The following SAFB variants were observed in gnomAD, a reference collection of about 807,000 sequenced individuals.
SAFB encodes scaffold attachment factor B1.
Under a neutral mutation model 101.6 loss-of-function variants are expected in SAFB, and 15 were observed. The observed-to-expected ratio is 0.15, with a 90% CI of 0.10 to 0.23. The LOEUF (loss-of-function observed/expected upper bound fraction) is 0.23, where lower values mean the gene tolerates loss of function less well. Among genes scored for constraint, SAFB ranks in the 10% least tolerant of loss-of-function variants. SAFB has a pLI of 1.00. For synonymous variants in SAFB, 449 were observed against 407.5 expected (o/e 1.10, Z -1.23); for missense variants, 930 against 1,104.1 (o/e 0.84, Z 2.23).
chr19:5,661,132 A>G (rs1476996951), intron 14 of SAFB, among the ~76,000 whole-genome samples: 2 of 151,896 alleles, frequency 1.3e-5, no homozygotes, highest in Non-Finnish European at 2.9e-5. Flanking sequence ...CATGTTGGCC[A>G]GGCTGGTCTC....
At chr19:5,626,260 A>G (rs1296322237) in intron 1 of SAFB, 145 bp from the exon 2 acceptor site, 5 of 564,896 alleles carry the variant, frequency 8.9e-6, no homozygotes, top group Non-Finnish European at 1.6e-5. Flanking sequence ...ATAACAGATG[A>G]GTGGATGGGC....
rs980831828 is a variant in SAFB, at chr19:5,650,088, C to T, written c.1198+113C>T. 3.8e-5 allele frequency: 31 copies of T among 812,280 alleles called. No homozygotes were observed. The African/African-American group carries it at 3.9e-4, about 10-fold the overall frequency. The allele number at this position is 812,280 out of a possible 1,614,324, so 50.3% of individuals were successfully genotyped here. ...CTCCTTACCCAGGAGACTCCTGAGA[C>T]GTTTGTGCAGTCTTTCTCCTTCTCT... On this transcript the variant is annotated intron_variant, in intron 8 of 20. Coordinates refer to ENST00000588852, the MANE Select transcript of SAFB (RefSeq NM_001201338.2).
chr19:5,655,480 A>AC (rs1568272793), intron 13 of SAFB, among the ~76,000 whole-genome samples: 2 of 149,828 alleles, frequency 1.3e-5, no homozygotes, highest in African/African-American at 2.5e-5. Context: ...AAAAAAAAAA[A>AC]CACACACCTA....
intron 17 of SAFB, chr19:5,665,698 TCTC>T (rs1254355782): frequency 1.3e-5 from 2 of 152,158 alleles, no homozygotes; most frequent in Middle Eastern, 3.4e-3. Context: ...TTTGATCCCT[TCTC>T]CTCACATACA....
chr19:5,624,760 A>G (rs2145384719), intron 1 of SAFB, among the ~76,000 whole-genome samples: 1 of 149,388 alleles, frequency 6.7e-6, no homozygotes, highest in East Asian at 2.0e-4. Context: ...CCAGAGTCAC[A>G]TGGGCCTTTT....
intron 14 of SAFB, among the ~76,000 whole-genome samples, chr19:5,660,649 G>A (rs534783863): frequency 2.0e-5 from 3 of 149,600 alleles, no homozygotes; most frequent in South Asian, 4.2e-4. Flanking sequence ...AGGTGGAGGC[G>A]GGCAGATTGT....
chr19:5,649,747 A>G (rs550622726), intron 7 of SAFB, 179 bp from the exon 8 acceptor site: 43 of 784,928 alleles, frequency 5.5e-5, no homozygotes, highest in Non-Finnish European at 6.2e-6. Context: ...AGAATTAATT[A>G]ACTCCTGTGG....
Position 5,633,652 on chromosome 19 carries a change from G to A in SAFB, c.274+7163G>A, listed in dbSNP as rs376308359. Among the ~76,000 whole-genome samples the A allele has an allele frequency of 8.1e-4, 124 of 152,230 alleles. 1 individual carries two copies. The highest frequency in any genetic ancestry group is 2.9e-3 in the African/African-American group (120 of 41,546). ...AAATTAGGCAGGCGTGGTGGCGGGC[G>A]CCTGTAGTCCCAGCTACTCGGGAGG... is the stretch of plus-strand genomic sequence containing the variant. On this transcript the variant is annotated intron_variant, in intron 2 of 20. Coordinates refer to ENST00000588852, the MANE Select transcript of SAFB (RefSeq NM_001201338.2).
intron 2 of SAFB, among the ~76,000 whole-genome samples, chr19:5,632,016 C>T (rs1218487367): frequency 5.3e-5 from 8 of 152,152 alleles, no homozygotes; most frequent in Non-Finnish European, 1.2e-4. Context: ...TGTGATTGCT[C>T]TCCAACCTGG....
chr19:5,627,844 G>A (rs1426224603), intron 2 of SAFB, among the ~76,000 whole-genome samples: 1 of 152,154 alleles, frequency 6.6e-6, no homozygotes, highest in Non-Finnish European at 1.5e-5. Context: ...TAATATTTAT[G>A]TCATCTTGCC....
intron 1 of SAFB, among the ~76,000 whole-genome samples, chr19:5,625,325 G>T (rs1037706677): frequency 2.0e-5 from 3 of 152,204 alleles, no homozygotes; most frequent in Non-Finnish European, 4.4e-5. Context: ...CCTGTCCCCG[G>T]GAAAAGGGTG....
intron 1 of SAFB, among the ~76,000 whole-genome samples, chr19:5,625,156 C>G (rs562562282): frequency 6.6e-6 from 1 of 152,196 alleles, no homozygotes; most frequent in Non-Finnish European, 1.5e-5. Flanking sequence ...TCACCCAAGC[C>G]AGTCTGGAGT....
intron 2 of SAFB, among the ~76,000 whole-genome samples, chr19:5,632,982 A>G (rs923126041): frequency 6.6e-6 from 1 of 152,204 alleles, no homozygotes; most frequent in African/African-American, 2.4e-5. Flanking sequence ...CTGACTTCAA[A>G]TGCTATTGGC....
chr19:5,623,352 C>T lies in SAFB; in HGVS notation c.147C>T (p.Asp49=). ...LRAELRKRNV[D]SSGNKSVLME... ...CGGAGCTGAGGAAACGGAATGTGGA[C>T]TCGAGCGGCAACAAGAGCGTTTTGA... The change falls in exon 1 of 21, where the codon GAC becomes GAT. Residue 49 remains aspartate (D), a synonymous_variant. Transcript: ENST00000588852. 6.2e-7 allele frequency: 1 copy of T among 1,614,000 alleles called. No homozygotes were observed. Among genetic ancestry groups the T allele is most frequent in the Non-Finnish European group, 8.5e-7 (1 of 1,179,900 alleles).
At chr19:5,665,787 C>T (rs2054315128) in intron 17 of SAFB, 1 of 152,216 alleles carries the variant, frequency 6.6e-6, no homozygotes, top group Admixed American at 6.5e-5. Context: ...TAGCACAGAA[C>T]TTATGGGCCT....
chr19:5,628,101 A>AT (rs1322768692), intron 2 of SAFB, among the ~76,000 whole-genome samples: 1 of 152,130 alleles, frequency 6.6e-6, no homozygotes, highest in East Asian at 1.9e-4. Context: ...AAATATAAAA[A>AT]TTAGCCAGGT....
intron 17 of SAFB, 125 bp from the exon 18 acceptor site, chr19:5,666,921 C>T (rs967765185): frequency 3.9e-6 from 3 of 773,820 alleles, no homozygotes; most frequent in Admixed American, 1.7e-5. Flanking sequence ...TGAACCGATA[C>T]AGCCTGCCAG....
intron 2 of SAFB, among the ~76,000 whole-genome samples, chr19:5,627,433 AC>A (rs1333491055): frequency 9.2e-5 from 14 of 151,958 alleles, no homozygotes; most frequent in Non-Finnish European, 2.9e-5. Context: ...GCACCACTGA[AC>A]TCCAACATGG....
intron 2 of SAFB, among the ~76,000 whole-genome samples, chr19:5,629,109 C>G (rs1168978698): frequency 6.6e-6 from 1 of 152,152 alleles, no homozygotes; most frequent in Non-Finnish European, 1.5e-5. Flanking sequence ...TTTTAAAATA[C>G]GTGCATGGGA....
Sources: allele counts gnomAD v4.1 joint callset (sites outside exome capture counted in the v4.1 genomes callset), GRCh38; gene constraint gnomAD v4.1.1; transcripts MANE v1.5; gene names NCBI Gene and HGNC (gene_info 2026-07-23, HGNC 2026-07-21).